The following INPP4B variants were observed in gnomAD, a reference collection of about 807,000 sequenced individuals.
The protein encoded by INPP4B is inositol polyphosphate-4-phosphatase type II B.
INPP4B carries 55 observed loss-of-function variants against 122.5 expected under a neutral mutation model. The observed-to-expected ratio is 0.45, with a 90% CI of 0.36 to 0.56. The LOEUF (loss-of-function observed/expected upper bound fraction) is 0.56, where lower values mean the gene tolerates loss of function less well. Ranked by LOEUF, INPP4B falls within the 20% of genes least tolerant of loss-of-function variation. INPP4B has a pLI of 0.00. For synonymous variants in INPP4B, 403 were observed against 388.7 expected, an observed-to-expected ratio of 1.04 and a Z score of -0.43; for missense variants, 1,000 against 1,097.7, an observed-to-expected ratio of 0.91 and a Z score of 1.26.
At chr4:142,460,406 G>A (rs986858332) in intron 3 of INPP4B, among the ~76,000 whole-genome samples, 1 of 152,136 alleles carries the variant, frequency 6.6e-6, no homozygotes, top group African/African-American at 2.4e-5. Flanking sequence ...GTTCAATTTG[G>A]TGTCAGATAA....
In INPP4B at chr4:142,833,595, T is replaced by C. The variant is rs1018228025; in HGVS notation, c.-254+12614A>G. Among the ~76,000 whole-genome samples the C allele has an allele frequency of 3.3e-5, 5 of 152,012 alleles. No individual in the cohort carries two copies. In the South Asian group the frequency reaches 1.0e-3, roughly 32 times the overall value. Reference sequence around the variant, plus strand: ...TGAAATGGTTATTATCCTTATACAATATATGGAGAAAAAAAAGACTCAGAT... The same window carrying C: ...TGAAATGGTTATTATCCTTATACAACATATGGAGAAAAAAAAGACTCAGAT... On this transcript the variant is annotated intron_variant, in intron 1 of 25. Coordinates refer to ENST00000262992, the MANE Select transcript of INPP4B (RefSeq NM_001101669.3).
intron 25 of INPP4B, among the ~76,000 whole-genome samples, chr4:142,061,042 T>C (rs1463329133): frequency 6.6e-6 from 1 of 152,190 alleles, no homozygotes; most frequent in Non-Finnish European, 1.5e-5. Context: ...GTTTAAAAAT[T>C]AAGCAGAACA....
intron 2 of INPP4B, among the ~76,000 whole-genome samples, chr4:142,542,362 T>C (rs1412863352): frequency 6.6e-6 from 1 of 152,198 alleles, no homozygotes; most frequent in Non-Finnish European, 1.5e-5. Context: ...TAGAAACTCA[T>C]TGATACAATA....
At chr4:142,367,510 G>C (rs1015634726) in intron 7 of INPP4B, among the ~76,000 whole-genome samples, 1 of 151,990 alleles carries the variant, frequency 6.6e-6, no homozygotes, top group Non-Finnish European at 1.5e-5. Flanking sequence ...TGTCTAGAGG[G>C]TGCTATTCCT....
At chr4:142,372,831 CA>C (rs1399809605) in intron 7 of INPP4B, among the ~76,000 whole-genome samples, 3 of 152,128 alleles carry the variant, frequency 2.0e-5, no homozygotes, top group Admixed American at 6.6e-5. Flanking sequence ...TACTGGAAGT[CA>C]AACTAAAGCA....
chr4:142,080,196 A>G (rs1773166199), intron 25 of INPP4B, among the ~76,000 whole-genome samples: 1 of 152,116 alleles, frequency 6.6e-6, no homozygotes, highest in Non-Finnish European at 1.5e-5. Flanking sequence ...TGTATGGCAT[A>G]TAGCCTGGAT....
intron 14 of INPP4B, among the ~76,000 whole-genome samples, chr4:142,205,118 A>G (rs1275795582): frequency 6.6e-6 from 1 of 151,898 alleles, no homozygotes; most frequent in African/African-American, 2.4e-5. Context: ...ATTTTACTCT[A>G]TTTTTCAGAT....
chr4:142,154,218 A>G (rs994499935), intron 17 of INPP4B, among the ~76,000 whole-genome samples: 4 of 152,146 alleles, frequency 2.6e-5, no homozygotes, highest in Admixed American at 6.5e-5. Flanking sequence ...ATAAAAAAAA[A>G]AAGAAAAACC....
At chr4:142,382,464 G>A (rs946074568) in intron 7 of INPP4B, among the ~76,000 whole-genome samples, 1 of 150,894 alleles carries the variant, frequency 6.6e-6, no homozygotes, top group African/African-American at 2.4e-5. Context: ...AGCTGAGGTG[G>A]TGCCATTGCA....
intron 10 of INPP4B, among the ~76,000 whole-genome samples, chr4:142,264,003 A>G (rs944373753): frequency 9.2e-5 from 14 of 152,048 alleles, no homozygotes; most frequent in African/African-American, 2.4e-4. Context: ...GAAGTAATGA[A>G]GTTCCCAGGG....
intron 2 of INPP4B, among the ~76,000 whole-genome samples, chr4:142,650,817 C>T (rs531381783): frequency 3.9e-5 from 6 of 152,154 alleles, no homozygotes; most frequent in Non-Finnish European, 7.3e-5. Context: ...ATCAACGAGA[C>T]AGAAGGTTAA....
At chr4:142,348,869 T>G (rs766615690) in intron 7 of INPP4B, among the ~76,000 whole-genome samples, 4 of 151,992 alleles carry the variant, frequency 2.6e-5, no homozygotes, top group Non-Finnish European at 5.9e-5. Flanking sequence ...GGAAAAGTGA[T>G]TTCAGGCACT....
chr4:142,132,760 A>G (rs1801952487), intron 18 of INPP4B, among the ~76,000 whole-genome samples: 1 of 152,208 alleles, frequency 6.6e-6, no homozygotes, highest in Admixed American at 6.5e-5. Context: ...CTTGTCAGAA[A>G]ACAAACATGC....
intron 23 of INPP4B, among the ~76,000 whole-genome samples, chr4:142,098,023 A>G (rs1782740302): frequency 6.6e-6 from 1 of 152,134 alleles, no homozygotes; most frequent in Non-Finnish European, 1.5e-5. Flanking sequence ...ACTTTAAGAG[A>G]GAAGGGTTCC....
At chr4:142,774,388 G>A (rs564381542) in intron 1 of INPP4B, among the ~76,000 whole-genome samples, 1 of 152,024 alleles carries the variant, frequency 6.6e-6, no homozygotes, top group African/African-American at 2.4e-5. Flanking sequence ...CTCTCCAAAG[G>A]CAGGTGAGTT....
At chr4:142,435,110 T>C (rs948083701) in intron 3 of INPP4B, among the ~76,000 whole-genome samples, 1 of 152,066 alleles carries the variant, frequency 6.6e-6, no homozygotes, top group Non-Finnish European at 1.5e-5. Flanking sequence ...TGAGTTCCAT[T>C]TGTCCCATGC....
At chr4:142,567,854 A>G (rs1731972755) in intron 2 of INPP4B, among the ~76,000 whole-genome samples, 1 of 152,146 alleles carries the variant, frequency 6.6e-6, no homozygotes, top group Non-Finnish European at 1.5e-5. Flanking sequence ...AGAAAAAAAG[A>G]AAACCATTTC....
At chr4:142,654,367 T>TAA (rs10677341) in intron 2 of INPP4B, 48,734 of 100,716 alleles carry the variant, frequency 0.48, 10,996 homozygotes, top group East Asian at 0.63. Flanking sequence ...ACTTAAAGTA[T>TAA]AAAAAAAAAA....
intron 2 of INPP4B, among the ~76,000 whole-genome samples, chr4:142,597,488 A>AT (rs1738975914): frequency 6.6e-6 from 1 of 152,160 alleles, no homozygotes; most frequent in African/African-American, 2.4e-5. Flanking sequence ...CTACTAGGTG[A>AT]TTTTTCACTT....
Sources: allele counts gnomAD v4.1 joint callset (sites outside exome capture counted in the v4.1 genomes callset), GRCh38; gene constraint gnomAD v4.1.1; transcripts MANE v1.5; gene names NCBI Gene and HGNC (gene_info 2026-07-23, HGNC 2026-07-21).